Variants in TMEM45B observed in about 807,000 individuals in gnomAD.
The protein encoded by TMEM45B is transmembrane protein 45B.
A neutral mutation model predicts 27.3 loss-of-function variants in TMEM45B; 29 were observed. The ratio of observed to expected loss-of-function variants is 1.06; its 90% CI spans 0.79 to 1.45. The LOEUF (loss-of-function observed/expected upper bound fraction) is 1.45. Ranked by LOEUF, TMEM45B falls within the 40% of genes most tolerant of loss-of-function variation. TMEM45B has a pLI of 0.00. For synonymous variants in TMEM45B, 143 were observed against 134.7 expected, an observed-to-expected ratio of 1.06 and a Z score of -0.43; for missense variants, 348 against 343.9, an observed-to-expected ratio of 1.01 and a Z score of -0.09.
rs1460395641 is a variant in TMEM45B at position 129,819,425 on chromosome 11, G to A, written c.-9+3527G>A. Among the ~76,000 whole-genome samples, 3 of 152,104 alleles carry A rather than the reference G, an allele frequency of 2.0e-5. No individual in the cohort carries two copies. The East Asian group carries it at 5.8e-4, about 29-fold the overall frequency. ...TGAGACAGGCTCCTTGTGTCTTCCC[G>A]CACCACCCTCCTTAGCATGGAGCTT... On this transcript the variant is annotated intron_variant, in intron 1 of 5. Transcript: ENST00000281441.
intron 1 of TMEM45B, among the ~76,000 whole-genome samples, chr11:129,839,298 G>A (rs763582936): frequency 2.6e-5 from 4 of 152,164 alleles, no homozygotes; most frequent in Non-Finnish European, 5.9e-5. Flanking sequence ...TTCTGGAAAT[G>A]AGAGTCATGG....
intron 1 of TMEM45B, among the ~76,000 whole-genome samples, chr11:129,852,200 A>G (rs1395867070): frequency 6.6e-6 from 1 of 152,034 alleles, no homozygotes; most frequent in Non-Finnish European, 1.5e-5. Flanking sequence ...TGAGATCAAT[A>G]AATATTACCT....
chr11:129,837,108 A>T (rs1388854822), intron 1 of TMEM45B, among the ~76,000 whole-genome samples: 1 of 151,896 alleles, frequency 6.6e-6, no homozygotes, highest in East Asian at 1.9e-4. Context: ...TGCTTCCCAA[A>T]GCCCTTTAGT....
chr11:129,844,150 A>G (rs1485182520), intron 1 of TMEM45B, among the ~76,000 whole-genome samples: 1 of 152,236 alleles, frequency 6.6e-6, no homozygotes, highest in African/African-American at 2.4e-5. Flanking sequence ...TATTTGCAAC[A>G]ACATGGATGA....
chr11:129,851,342 G>C (rs918728710), intron 1 of TMEM45B, among the ~76,000 whole-genome samples: 2 of 151,576 alleles, frequency 1.3e-5, no homozygotes, highest in Non-Finnish European at 2.9e-5. Context: ...TCAGGAGTTC[G>C]AGAAAAGCCT....
intron 1 of TMEM45B, among the ~76,000 whole-genome samples, chr11:129,820,178 G>C (rs1292457978): frequency 1.3e-5 from 2 of 152,044 alleles, no homozygotes; most frequent in Non-Finnish European, 2.9e-5. Flanking sequence ...AGCCGGGCGT[G>C]CTAGCAGGCG....
chr11:129,838,061 C>T (rs1274795874), intron 1 of TMEM45B, among the ~76,000 whole-genome samples: 1 of 152,048 alleles, frequency 6.6e-6, no homozygotes, highest in Non-Finnish European at 1.5e-5. Context: ...GGATTACAGG[C>T]GTGAGCCACC....
At chr11:129,850,978 G>C (rs1465577185) in intron 1 of TMEM45B, among the ~76,000 whole-genome samples, 1 of 152,170 alleles carries the variant, frequency 6.6e-6, no homozygotes, top group Non-Finnish European at 1.5e-5. Flanking sequence ...AAACTCCTCT[G>C]GTACCAATTT....
chr11:129,855,631 A>T, intron 3 of TMEM45B, 77 bp from the exon 4 acceptor site: 1 of 1,487,736 alleles, frequency 6.7e-7, no homozygotes, highest in Non-Finnish European at 9.3e-7. Flanking sequence ...AACCTAGCTG[A>T]GACAGGTGTA....
At chr11:129,827,758 C>T (rs930241863) in intron 1 of TMEM45B, among the ~76,000 whole-genome samples, 9 of 151,954 alleles carry the variant, frequency 5.9e-5, no homozygotes, top group African/African-American at 1.2e-4. Context: ...GCTGAGACTG[C>T]ACCATTGCAC....
chr11:129,841,753 C>T (rs1379411728), intron 1 of TMEM45B, among the ~76,000 whole-genome samples: 9 of 151,942 alleles, frequency 5.9e-5, no homozygotes, highest in Admixed American at 6.5e-5. Flanking sequence ...CCCACTACCA[C>T]GCCCGGCTAA....
At chr11:129,817,202 A>C (rs1947363468) in intron 1 of TMEM45B, among the ~76,000 whole-genome samples, 1 of 152,204 alleles carries the variant, frequency 6.6e-6, no homozygotes. Context: ...TTTAATAGAA[A>C]GGATGGCTTA....
chr11:129,840,864 G>C (rs1341860161), intron 1 of TMEM45B, among the ~76,000 whole-genome samples: 1 of 143,114 alleles, frequency 7.0e-6, no homozygotes, highest in Non-Finnish European at 1.5e-5. Flanking sequence ...GGCAACAAGA[G>C]CGAAACTCCA....
Position 129,854,610 on chromosome 11 carries a change from G to A in TMEM45B, c.179G>A (p.Gly60Glu), listed in dbSNP as rs1232861181. The change falls in exon 3 of 6, where the codon GGG becomes GAG. Residue 60 changes from glycine (G) to glutamate (E), a missense_variant and splice_region_variant. Coordinates refer to ENST00000281441, the MANE Select transcript of TMEM45B (RefSeq NM_138788.5). ...AAIRTLFSVT[G>E]ILAEQFVPDG... ...AACATCCATCCTCATTTCCCTGCAG[G>A]GATCCTGGCAGAGCAGTTTGTTCCG... 5 of 1,613,960 alleles carry A rather than the reference G, an allele frequency of 3.1e-6. No individual in the cohort carries two copies. Among genetic ancestry groups the A allele is most frequent in the Middle Eastern group, 1.6e-4 (1 of 6,080 alleles).
chr11:129,846,797 G>C (rs1947766273), intron 1 of TMEM45B, among the ~76,000 whole-genome samples: 1 of 152,222 alleles, frequency 6.6e-6, no homozygotes, highest in Non-Finnish European at 1.5e-5. Context: ...CATTTGAACA[G>C]AGACCTGAGT....
intron 1 of TMEM45B, among the ~76,000 whole-genome samples, chr11:129,836,618 T>G (rs1947623210): frequency 6.6e-6 from 1 of 152,104 alleles, no homozygotes; most frequent in Non-Finnish European, 1.5e-5. Context: ...GGGGCCCAAA[T>G]GCAGTATGAG....
rs113595880 is a variant in TMEM45B at position 129,833,008 on chromosome 11, G to A, written c.-9+17110G>A. On this transcript the variant is annotated intron_variant, in intron 1 of 5. Transcript: ENST00000281441. ...TGTAATCCCAGCACTTTGGGAGGCC[G>A]AGGCAGGCGGATCACCTGAGGTCAG... 4.9e-3 allele frequency among the ~76,000 whole-genome samples: 742 copies of A among 152,166 alleles called. 2 individuals carry two copies. Among genetic ancestry groups the A allele is most frequent in the African/African-American group, 0.017 (692 of 41,510 alleles).
chr11:129,826,309 G>T (rs1947478103), intron 1 of TMEM45B, among the ~76,000 whole-genome samples: 1 of 152,004 alleles, frequency 6.6e-6, no homozygotes, highest in South Asian at 2.1e-4. Context: ...CAGCACTTTG[G>T]GAGGCCGAGG....
intron 1 of TMEM45B, among the ~76,000 whole-genome samples, chr11:129,834,813 C>CA (rs56304121): frequency 6.8e-4 from 90 of 132,178 alleles, no homozygotes; most frequent in African/African-American, 1.9e-3. Flanking sequence ...TCCATCTCCA[C>CA]AAAAAAAAAA....
Sources: gnomAD v4.1 joint callset for allele counts (sites outside exome capture counted in the v4.1 genomes callset) on GRCh38, gnomAD v4.1.1 for gene constraint, MANE v1.5 for transcripts, NCBI Gene and HGNC (gene_info 2026-07-23, HGNC 2026-07-21) for gene names.